Variants in NDUFA10 observed in about 807,000 individuals in gnomAD.
The protein encoded by NDUFA10 is NADH:ubiquinone oxidoreductase subunit A10, also known as NADH dehydrogenase [ubiquinone] 1 alpha subcomplex subunit 10, mitochondrial.
In NDUFA10, 40 loss-of-function variants were observed where a neutral mutation model predicts 47.8. The observed-to-expected ratio is 0.84, with a 90% confidence interval of 0.65 to 1.09. The LOEUF is 1.09. NDUFA10 is among the 50% of genes least tolerant of loss of function. NDUFA10 has a pLI of 0.00. For missense variants in NDUFA10, 413 were observed against 451.1 expected (o/e 0.92, Z 0.76); for synonymous variants, 183 against 172.2 (o/e 1.06, Z -0.49).
chr2:239,954,499 C>A (rs1694614767), downstream of NDUFA10, among the ~76,000 whole-genome samples: 1 of 152,380 alleles, frequency 6.6e-6, no homozygotes, highest in African/African-American at 2.4e-5. Flanking sequence ...GTGAAGCTCC[C>A]TGACAACCAG....
rs1463601261 is a variant in NDUFA10, at chr2:239,906,467, G to A, written c.295-11153C>T. On this transcript the variant is annotated intron_variant, in intron 4 of 5. Transcript: ENST00000419408. The surrounding 1 kb of genome is among the most constrained non-coding windows in gnomAD (Gnocchi z 4.3). ...CAGGCCTTGAGAACACCAGACGGGG[G>A]CCCCCACGCCAATTCATGGAGTCCC... 1.3e-5 allele frequency among the ~76,000 whole-genome samples: 2 copies of A among 152,104 alleles called. No individual in the cohort carries two copies. Among genetic ancestry groups the A allele is most frequent in the South Asian group, 2.1e-4 (1 of 4,820 alleles).
chr2:239,977,638 T>C (rs190979605), intron 9 of NDUFA10, among the ~76,000 whole-genome samples: 202 of 152,314 alleles, frequency 1.3e-3, no homozygotes, highest in African/African-American at 4.6e-3. Context: ...TGTTCAACCA[T>C]GTATATTTAT....
intron 9 of NDUFA10, among the ~76,000 whole-genome samples, chr2:239,974,882 C>CACTG (rs531627100): frequency 9.0e-6 from 1 of 111,248 alleles, no homozygotes; most frequent in East Asian, 2.9e-4. Context: ...ATGTGACACT[C>CACTG]TACCACCAAA....
At chr2:239,949,171 A>G (rs1201596360) in intron 4 of NDUFA10, among the ~76,000 whole-genome samples, 1 of 152,210 alleles carries the variant, frequency 6.6e-6, no homozygotes, top group Non-Finnish European at 1.5e-5. Flanking sequence ...CTGCTGATTG[A>G]GCGACTTCTT....
intron 4 of NDUFA10, among the ~76,000 whole-genome samples, chr2:239,941,668 G>C (rs978234712): frequency 1.3e-5 from 2 of 151,644 alleles, no homozygotes; most frequent in East Asian, 3.9e-4. Flanking sequence ...GAGCTTGCAG[G>C]GAGCCAAGAT....
intron 4 of NDUFA10, among the ~76,000 whole-genome samples, chr2:239,919,667 G>A (rs1228389957): frequency 6.6e-6 from 1 of 152,148 alleles, no homozygotes; most frequent in Non-Finnish European, 1.5e-5. Flanking sequence ...TGAAACTGAG[G>A]CCCCATCCTA....
At chr2:239,933,490 C>T (rs1260841904) in intron 4 of NDUFA10, among the ~76,000 whole-genome samples, 3 of 151,344 alleles carry the variant, frequency 2.0e-5, no homozygotes, top group Admixed American at 6.6e-5. Context: ...AGCCAAGCCA[C>T]GGAGCCTCCA....
chr2:239,936,634 T>G (rs79723277), intron 4 of NDUFA10, among the ~76,000 whole-genome samples: 3,362 of 152,298 alleles, frequency 0.022, 127 homozygotes, highest in African/African-American at 0.075. Context: ...TCAGATTTGC[T>G]GTGAACCTAA....
At position 239,906,605 on chromosome 2, in the gene NDUFA10, G is replaced by A. The variant is rs1014455894; in HGVS notation, c.295-11291C>T. On this transcript the variant is annotated intron_variant, in intron 4 of 5. Transcript: ENST00000419408. This position sits in a 1 kb window ranked among gnomAD's most constrained non-coding sequence, Gnocchi z 4.3. ...AAAGAAAATGGCAGTGCACCCCATG[G>A]ATGGCAAGAGCCAACCAGCGTGCCC... 4.6e-5 allele frequency among the ~76,000 whole-genome samples: 7 copies of A among 152,278 alleles called. No homozygotes were observed. Among genetic ancestry groups the A allele is most frequent in the African/African-American group, 1.7e-4 (7 of 41,548 alleles).
intron 4 of NDUFA10, among the ~76,000 whole-genome samples, chr2:239,926,346 A>T (rs1242218844): frequency 6.6e-6 from 1 of 152,242 alleles, no homozygotes; most frequent in African/African-American, 2.4e-5. Context: ...AGTCAACAAC[A>T]GACCAAATAT....
At chr2:239,955,855 T>C (rs1279997169), downstream of NDUFA10, among the ~76,000 whole-genome samples, 2 of 152,114 alleles carry the variant, frequency 1.3e-5, no homozygotes, top group African/African-American at 4.8e-5. Flanking sequence ...TCTCAGCAGA[T>C]GCAACCTCAA....
intron 4 of NDUFA10, among the ~76,000 whole-genome samples, chr2:239,941,368 G>A (rs1694357615): frequency 6.6e-6 from 1 of 152,152 alleles, no homozygotes; most frequent in South Asian, 2.1e-4. Flanking sequence ...TGATGTGAAT[G>A]CACCGGGGGC....
chr2:240,007,292 T>C (rs753137466), intron 7 of NDUFA10, 24 bp downstream of exon 7: 2 of 1,539,036 alleles, frequency 1.3e-6, no homozygotes, highest in Non-Finnish European at 1.8e-6. Flanking sequence ...GGAATAACTT[T>C]CAACTTTTCA....
intron 4 of NDUFA10, among the ~76,000 whole-genome samples, chr2:239,933,784 C>A (rs935727652): frequency 6.6e-6 from 1 of 152,158 alleles, no homozygotes; most frequent in African/African-American, 2.4e-5. Context: ...CCCAAAATTA[C>A]AGGGAAGAGA....
chr2:240,022,440 TAAA>T, intron 1 of NDUFA10, 100 bp from the exon 2 acceptor site: 1 of 1,534,000 alleles, frequency 6.5e-7, no homozygotes, highest in Non-Finnish European at 8.9e-7. Flanking sequence ...CTCTTAGTGA[TAAA>T]AATGCCAACA....
At chr2:240,013,825 C>A (rs949418838) in intron 5 of NDUFA10, 1 of 152,168 alleles carries the variant, frequency 6.6e-6, no homozygotes, top group African/African-American at 2.4e-5. Context: ...GGCAGGTAGC[C>A]CTGCATTTTC....
intron 4 of NDUFA10, among the ~76,000 whole-genome samples, chr2:239,947,014 T>C (rs1189201994): frequency 1.3e-5 from 2 of 152,170 alleles, no homozygotes; most frequent in Non-Finnish European, 2.9e-5. Context: ...GCCCAGCCCA[T>C]GGTGGTGGGT....
intron 9 of NDUFA10, among the ~76,000 whole-genome samples, chr2:239,965,014 C>T (rs1372332574): frequency 3.3e-5 from 5 of 152,154 alleles, no homozygotes; most frequent in Non-Finnish European, 4.4e-5. Flanking sequence ...ATGTTTTACC[C>T]AAACACAGGA....
chr2:240,002,721 C>T (rs1245413302), intron 8 of NDUFA10, among the ~76,000 whole-genome samples: 1 of 152,138 alleles, frequency 6.6e-6, no homozygotes, highest in East Asian at 1.9e-4. Flanking sequence ...ATCCATTCCA[C>T]TAACTAGAAA....
Sources: allele counts gnomAD v4.1 joint callset (sites outside exome capture counted in the v4.1 genomes callset), GRCh38; gene constraint gnomAD v4.1.1; non-coding constraint Gnocchi (gnomAD v3.1); transcripts MANE v1.5; gene names NCBI Gene and HGNC (gene_info 2026-07-23, HGNC 2026-07-21).